Variants in MYH13 observed in about 807,000 individuals in gnomAD.
MYH13 encodes the protein myosin-13.
MYH13 carries 177 observed loss-of-function variants against 232.1 expected under a neutral mutation model. The ratio of observed to expected loss-of-function variants is 0.76; its 90% CI spans 0.67 to 0.86. The LOEUF is 0.86. MYH13 is among the 40% of genes least tolerant of loss of function. MYH13 has a pLI of 0.00. For missense variants in MYH13, 2,246 were observed against 2,405.9 expected (o/e 0.93, Z 1.39); for synonymous variants, 884 against 923.5 (o/e 0.96, Z 0.78).
Position 10,332,217 on chromosome 17 carries a change from C to T in MYH13, c.2180G>A (p.Arg727Gln), listed in dbSNP as rs759137231. 45 of 1,613,700 alleles carry T rather than the reference C, an allele frequency of 2.8e-5. No individual in the cohort carries two copies. The highest frequency in any genetic ancestry group is 5.3e-5 in the African/African-American group (4 of 74,900). The change falls in exon 20 of 41, where the codon CGG becomes CAG. Residue 727 changes from arginine (R) to glutamine (Q), a missense_variant. Transcript: ENST00000252172. ...ILYADFKQRYRILNASAIPEG... is the reference protein window; with the variant it reads ...ILYADFKQRYQILNASAIPEG... ...AGGGATAGCACTGGCATTGAGGATC[C>T]GGTACCTAAGGAGAGAGGACATTTC...
Position 10,330,554 on chromosome 17 carries a change from T to A in MYH13, c.2299-31A>T, listed in dbSNP as rs142712813. ...TTAAAAGACAGAGGAGCCTTGATCTTTTTCCCCAGCAGGCGTTCAGCCGGG... is the reference window on the plus strand; with the variant it reads ...TTAAAAGACAGAGGAGCCTTGATCTATTTCCCCAGCAGGCGTTCAGCCGGG... On this transcript the variant is annotated intron_variant, in intron 20 of 40. Transcript: ENST00000252172. 2,215 of 1,583,108 alleles carry A rather than the reference T, an allele frequency of 1.4e-3. 16 individuals carry two copies. The Middle Eastern group carries it at 0.027, about 19-fold the overall frequency.
intron 30 of MYH13, among the ~76,000 whole-genome samples, 158 bp downstream of exon 30, chr17:10,313,000 A>G (rs1906565794): frequency 1.3e-5 from 2 of 151,976 alleles, no homozygotes; most frequent in Non-Finnish European, 2.9e-5. Flanking sequence ...TCCCGAGAAG[A>G]AGGACAGGGA....
At chr17:10,313,030 G>A (rs1440517823) in intron 30 of MYH13, 128 bp downstream of exon 30, 2 of 1,447,748 alleles carry the variant, frequency 1.4e-6, no homozygotes, top group East Asian at 2.3e-5. Flanking sequence ...AGGGTGGGGG[G>A]TACAATCCGA....
chr17:10,346,412 C>T (rs2071666780), intron 13 of MYH13, among the ~76,000 whole-genome samples: 1 of 152,210 alleles, frequency 6.6e-6, no homozygotes, highest in East Asian at 1.9e-4. Flanking sequence ...AGGAGAGACT[C>T]AACAGCCCAT....
chr17:10,337,207 G>A (rs920837334), intron 18 of MYH13, among the ~76,000 whole-genome samples: 5 of 152,094 alleles, frequency 3.3e-5, no homozygotes, highest in Admixed American at 6.6e-5. Context: ...CACCATGCCC[G>A]GGCGTGACTG....
intron 22 of MYH13, among the ~76,000 whole-genome samples, chr17:10,326,528 T>C (rs980192105): frequency 6.6e-6 from 1 of 152,016 alleles, no homozygotes; most frequent in Non-Finnish European, 1.5e-5. Context: ...TGGAGTGCAG[T>C]GGCACGATCT....
chr17:10,312,676 G>T lies in MYH13; in HGVS notation c.4263C>A (p.Thr1421=). The change falls in exon 31 of 41, where the codon ACC becomes ACA. Residue 1421 remains threonine, a synonymous_variant. Coordinates refer to ENST00000252172, the MANE Select transcript of MYH13 (RefSeq NM_003802.3). ...CCACCTCTCCCTGCAGCCTCTGCTT[G>T]GTTTTCTCCAACGATGCGCACTTGG... is the stretch of plus-strand genomic sequence containing the variant. ...ANSKCASLEK[T]KQRLQGEVED... is the part of the protein sequence containing the mutation. 6.2e-7 allele frequency: 1 copy of T among 1,613,424 alleles called. No individual in the cohort carries two copies. Among genetic ancestry groups the T allele is most frequent in the Non-Finnish European group, 8.5e-7 (1 of 1,179,720 alleles).
Position 10,315,943 on chromosome 17 carries a change from A to T in MYH13, c.3821T>A (p.Ile1274Asn), listed in dbSNP as rs778244040. 6.2e-7 allele frequency: 1 copy of T among 1,613,946 alleles called. No individual in the cohort carries two copies. The highest frequency in any genetic ancestry group is 1.7e-5 in the Admixed American group (1 of 60,014). ...TGCTTTCTGCATGTTCAGATCATGGATCAACTGTGTCTGTTGCTCGTCCTT... is the reference window on the plus strand; with the variant it reads ...TGCTTTCTGCATGTTCAGATCATGGTTCAACTGTGTCTGTTGCTCGTCCTT... The part of the protein sequence containing the change: ...KAKDEQQTQL[I>N]HDLNMQKARL... Residue 1274 changes from isoleucine to asparagine, a missense_variant, in exon 28 of 41, where the codon ATC becomes AAC. Physicochemically the swap from Ile to Asn is moderately radical, Grantham distance 149 (BLOSUM62 -3). Coordinates refer to ENST00000252172, the MANE Select transcript of MYH13 (RefSeq NM_003802.3).
chr17:10,354,184 T>G (rs551299038), intron 11 of MYH13, among the ~76,000 whole-genome samples: 46 of 152,202 alleles, frequency 3.0e-4, no homozygotes, highest in African/African-American at 7.9e-4. Context: ...TACAGGTACT[T>G]CCCCAAAATA....
At chr17:10,323,961 C>A in intron 23 of MYH13, 61 bp downstream of exon 23, 1 of 1,592,702 alleles carries the variant, frequency 6.3e-7, no homozygotes, top group East Asian at 2.2e-5. Context: ...CTTTCTCCTC[C>A]TTACAGAGAG....
chr17:10,366,124 C>T (rs539504168), intron 2 of MYH13, among the ~76,000 whole-genome samples: 7 of 152,164 alleles, frequency 4.6e-5, no homozygotes, highest in East Asian at 1.9e-4. Context: ...AGAAGCCAGC[C>T]TCACTCCTGT....
Position 10,306,558 on chromosome 17 carries a change from G to T in MYH13, c.5367C>A (p.Asn1789Lys). The change falls in exon 37 of 41, where the codon AAC becomes AAA. Residue 1789 changes from asparagine to lysine, a missense_variant. By Grantham distance (94) the Asn-to-Lys change is moderately conservative (BLOSUM62 0). Transcript: ENST00000252172. The surrounding 1 kb of genome is among the most constrained non-coding windows in gnomAD (Gnocchi z 4.3). Reference protein sequence around the residue: ...TSAHLERMKKNLEQTVKDLQH... With the variant: ...TSAHLERMKKKLEQTVKDLQH... ...GCAGGTCCTTCACCGTCTGCTCCAG[G>T]TTCTTCTTCATCCGCTCCAGGTGGG... is the stretch of plus-strand genomic sequence containing the variant. 6.2e-7 allele frequency: 1 copy of T among 1,614,054 alleles called. No homozygotes were observed. Among genetic ancestry groups the T allele is most frequent in the Non-Finnish European group, 8.5e-7 (1 of 1,180,014 alleles).
chr17:10,371,217 T>C lies in MYH13; in HGVS notation c.-21A>G, dbSNP rs571017699. On this transcript the variant is annotated 5_prime_UTR_variant, in exon 2 of 41. Coordinates refer to ENST00000252172, the MANE Select transcript of MYH13 (RefSeq NM_003802.3). ...CTGAAAATAACCCTTACCTTCTTGG[T>C]TCCCAAGTGACAGTCAGTGTCCTTC... 6.6e-6 allele frequency: 1 copy of C among 152,242 alleles called. No homozygotes were observed. Among genetic ancestry groups the C allele is most frequent in the Non-Finnish European group, 1.5e-5 (1 of 68,050 alleles). The allele number at this position is 152,242 out of a possible 1,614,324, so 9.4% of individuals were successfully genotyped here.
intron 5 of MYH13, among the ~76,000 whole-genome samples, chr17:10,360,794 T>C (rs2071785887): frequency 6.6e-6 from 1 of 152,168 alleles, no homozygotes; most frequent in South Asian, 2.1e-4. Context: ...GGCAAGCCCC[T>C]GATCTAATAT....
intron 21 of MYH13, 114 bp from the exon 22 acceptor site, chr17:10,328,235 G>A: frequency 1.6e-6 from 2 of 1,241,738 alleles, no homozygotes; most frequent in Non-Finnish European, 1.1e-6. Flanking sequence ...TGGGAAGGAG[G>A]TGCAGCCAAG....
At chr17:10,321,766 A>G in intron 23 of MYH13, 58 bp from the exon 24 acceptor site, 1 of 1,463,438 alleles carries the variant, frequency 6.8e-7, no homozygotes, top group East Asian at 2.3e-5. Flanking sequence ...AGCTTCCATC[A>G]ACAAAAGCTA....
In MYH13 at chr17:10,340,136, C is replaced by T; in HGVS notation, c.2056+14G>A. 1.9e-6 allele frequency: 3 copies of T among 1,608,048 alleles called. No individual in the cohort carries two copies. Among genetic ancestry groups the T allele is most frequent in the Non-Finnish European group, 2.6e-6 (3 of 1,175,526 alleles). ...GTTCTGTTCAAATACTTGGCAAGAT[C>T]TGCTGGTACTCACCAGGAGTCTTGG... On this transcript the variant is annotated intron_variant, in intron 18 of 40. Transcript: ENST00000252172.
chr17:10,309,459 A>C, intron 34 of MYH13, 22 bp from the exon 35 acceptor site: 1 of 1,599,098 alleles, frequency 6.3e-7, no homozygotes, highest in Non-Finnish European at 8.5e-7. Flanking sequence ...ACCCAGAGTG[A>C]GGCCAGAGCC....
At chr17:10,351,079 G>C (rs2142264991) in intron 11 of MYH13, among the ~76,000 whole-genome samples, 1 of 152,058 alleles carries the variant, frequency 6.6e-6, no homozygotes, top group Admixed American at 6.6e-5. Flanking sequence ...AAATTAGCCA[G>C]GCATGGTGGC....
Sources: allele counts gnomAD v4.1 joint callset (sites outside exome capture counted in the v4.1 genomes callset), GRCh38; gene constraint gnomAD v4.1.1; non-coding constraint Gnocchi (gnomAD v3.1); transcripts MANE v1.5; gene names NCBI Gene and HGNC (gene_info 2026-07-23, HGNC 2026-07-21).